GP2: variants seen among roughly 807,000 people sequenced by gnomAD.
The protein encoded by GP2 is glycoprotein 2, also known as pancreatic secretory granule membrane major glycoprotein GP2.
A neutral mutation model predicts 60.8 loss-of-function variants in GP2; 58 were observed. That is an observed-to-expected ratio of 0.95 (90% CI 0.77 to 1.19). The LOEUF is 1.19. Among genes scored for constraint, GP2 ranks in the 50% most tolerant of loss-of-function variants. The pLI is 0.00. For synonymous variants in GP2, 280 were observed against 253.4 expected (o/e 1.10, Z -1.00); for missense variants, 647 against 667.4 (o/e 0.97, Z 0.34).
At chr16:20,318,517 A>G (rs1964255142) in intron 6 of GP2, 87 bp from the exon 7 acceptor site, 1 of 1,223,862 alleles carries the variant, frequency 8.2e-7, no homozygotes, top group African/African-American at 1.5e-5. Context: ...TACGAAGGCA[A>G]GGACACACAT....
At position 20,311,243 on chromosome 16, in the gene GP2, G is replaced by C. The variant is rs762900263; in HGVS notation, c.1585C>G (p.Leu529Val). Residue 529 changes from leucine to valine, a missense_variant, in exon 11 of 11, where the codon CTC becomes GTC. Physicochemically the swap from Leu to Val is conservative, Grantham distance 32. Transcript: ENST00000302555. ...VAWPMVLLTV[L>V]LAWLF ...AGCTCTCAGAACAGCCAAGCCAGGA[G>C]GACAGTCAGGAGGACCATAGGCCAG... The C allele has an allele frequency of 4.3e-6, 7 of 1,610,004 alleles. No homozygotes were observed. Among genetic ancestry groups the C allele is most frequent in the Non-Finnish European group, 6.0e-6 (7 of 1,176,368 alleles).
intron 7 of GP2, 69 bp from the exon 8 acceptor site, chr16:20,317,444 G>A (rs1032119757): frequency 1.6e-6 from 2 of 1,214,780 alleles, no homozygotes; most frequent in African/African-American, 1.5e-5. Context: ...AGAGTCCCTC[G>A]GGTTCCCTCC....
rs1462147582 is a variant in GP2 at position 20,317,260 on chromosome 16, G to A, written c.1369C>T (p.His457Tyr). The A allele has an allele frequency of 6.2e-7, 1 of 1,613,242 alleles. No individual in the cohort carries two copies. The highest frequency in any genetic ancestry group is 1.3e-5 in the African/African-American group (1 of 74,892). The change falls in exon 8 of 11, where the codon CAT (histidine) becomes TAT (tyrosine). Residue 457 changes from histidine (H) to tyrosine (Y), a missense_variant. Transcript: ENST00000302555. ...GAATCACAGAGATGAATCTCACAAT[G>A]CAGGAAAACTAGGTCATAATGTCCA... The part of the protein sequence containing the change: ...FAGHYDLVFL[H>Y]CEIHLCDSLN...
chr16:20,325,527 G>A (rs1486348094), intron 2 of GP2, among the ~76,000 whole-genome samples: 2 of 152,168 alleles, frequency 1.3e-5, no homozygotes, highest in Admixed American at 1.3e-4. Flanking sequence ...GGGAAAGAAA[G>A]CCTTAAACGA....
chr16:20,317,410 A>G (rs1245237856), intron 7 of GP2, 35 bp from the exon 8 acceptor site: 3 of 1,563,454 alleles, frequency 1.9e-6, no homozygotes, highest in East Asian at 2.2e-5. Context: ...TGTAACTTCT[A>G]AAAACAGCAG....
chr16:20,314,316 A>G (rs868074679), intron 10 of GP2, among the ~76,000 whole-genome samples: 1 of 149,740 alleles, frequency 6.7e-6, no homozygotes, highest in Non-Finnish European at 1.5e-5. Context: ...GGCATTATCT[A>G]TCACATCACT....
intron 3 of GP2, 72 bp from the exon 4 acceptor site, chr16:20,323,051 C>G (rs190555989): frequency 8.0e-5 from 63 of 790,272 alleles, no homozygotes; most frequent in Non-Finnish European, 1.2e-4. Context: ...CAAGTCCAAC[C>G]CTTTCATTTC....
intron 2 of GP2, 95 bp downstream of exon 2, chr16:20,326,243 T>A (rs963324887): frequency 1.2e-5 from 13 of 1,106,574 alleles, no homozygotes; most frequent in Admixed American, 7.8e-5. Flanking sequence ...AACTGCCAAT[T>A]CCTCTTCCTT....
intron 10 of GP2, 116 bp downstream of exon 10, chr16:20,314,541 T>G (rs1299780436): frequency 6.3e-6 from 5 of 792,864 alleles, no homozygotes; most frequent in Non-Finnish European, 1.1e-5. Context: ...AGGCCAATCT[T>G]AGGTCTGATT....
chr16:20,317,202 GA>G lies in GP2; in HGVS notation c.1416+10del, dbSNP rs1964205823. 6.8e-7 allele frequency: 1 copy of G among 1,474,998 alleles called. No homozygotes were observed. The highest frequency in any genetic ancestry group is 9.1e-7 in the Non-Finnish European group (1 of 1,095,344). The allele number at this position is 1,474,998 out of a possible 1,614,324, so 91.4% of individuals were successfully genotyped here. On this transcript the variant is annotated intron_variant, in intron 8 of 10. Coordinates refer to ENST00000302555, the MANE Select transcript of GP2 (RefSeq NM_001502.4). ...CAGGCTCTGAAGAGTTCAGTTCAAA[GA>G]GACACTCACAGGCTGGCACTGTTCA...
chr16:20,315,572 G>A (rs117537124), intron 9 of GP2, among the ~76,000 whole-genome samples: 153 of 152,300 alleles, frequency 1.0e-3, no homozygotes, highest in Admixed American at 1.8e-3. Flanking sequence ...CTGGAAGCAG[G>A]TGGAATAAGG....
In GP2 at chr16:20,314,705, T is replaced by G. The variant is rs776772915; in HGVS notation, c.1502-4A>C. On this transcript the variant is annotated splice_region_variant and splice_polypyrimidine_tract_variant and intron_variant, in intron 9 of 10. Transcript: ENST00000302555. ...ATGACACCGGGAGACTGTGCACCTG[T>G]GAACAAGAACAGAAGGGGTGGGTTT... The G allele has an allele frequency of 6.2e-7, 1 of 1,600,474 alleles. No individual in the cohort carries two copies. The highest frequency in any genetic ancestry group is 1.1e-5 in the South Asian group (1 of 90,820).
intron 9 of GP2, among the ~76,000 whole-genome samples, chr16:20,315,381 A>T (rs1964132763): frequency 6.6e-6 from 1 of 152,176 alleles, no homozygotes; most frequent in Admixed American, 6.5e-5. Flanking sequence ...ACTAAACACT[A>T]CTGTAAACCC....
chr16:20,309,848 G>C lies in GP2; in HGVS notation c.*1375C>G, dbSNP rs1963950782. On this transcript the variant is annotated 3_prime_UTR_variant, in exon 11 of 11. Coordinates refer to ENST00000302555, the MANE Select transcript of GP2 (RefSeq NM_001502.4). ...CTCCCTTTTTGCCTGAGAAATTGTG[G>C]TGGGTTTCTGTTTCTTGCAACTACA... 6.6e-6 allele frequency: 1 copy of C among 151,998 alleles called. No homozygotes were observed. Among genetic ancestry groups the C allele is most frequent in the South Asian group, 2.1e-4 (1 of 4,800 alleles). The allele number at this position is 151,998 out of a possible 1,614,324, so 9.4% of individuals were successfully genotyped here. A position where few individuals can be genotyped will look rare whatever the true frequency, so the allele number is the denominator to read the frequency against.
At chr16:20,315,146 A>T (rs1964122025) in intron 9 of GP2, among the ~76,000 whole-genome samples, 1 of 152,182 alleles carries the variant, frequency 6.6e-6, no homozygotes. Context: ...AGCCTACTTC[A>T]TGAGACAGCC....
chr16:20,319,710 A>T lies in GP2; in HGVS notation c.917T>A (p.Ile306Asn). The change falls in exon 6 of 11, where the codon ATC becomes AAC. Residue 306 changes from isoleucine to asparagine, a missense_variant. Ile to Asn is a moderately radical substitution (Grantham distance 149). Transcript: ENST00000302555. ...GTTGATGTTGAGGATGGTGTCTCTG[A>T]TGATGAAATCATTGACCAAGGAGAG... ...NTLSLVNDFI[I>N]RDTILNINFQ... The T allele has an allele frequency of 6.2e-7, 1 of 1,610,248 alleles. No homozygotes were observed. The highest frequency in any genetic ancestry group is 2.2e-5 in the East Asian group (1 of 44,866).
chr16:20,318,972 GAA>G (rs1236680489), intron 6 of GP2, among the ~76,000 whole-genome samples: 2 of 152,136 alleles, frequency 1.3e-5, no homozygotes, highest in Non-Finnish European at 2.9e-5. Context: ...TGACATCTCA[GAA>G]AGTCCCCTAG....
At chr16:20,315,930 C>T in intron 9 of GP2, 26 bp downstream of exon 9, 2 of 1,469,514 alleles carry the variant, frequency 1.4e-6, no homozygotes, top group Non-Finnish European at 1.9e-6. Flanking sequence ...GCCAGCTGGT[C>T]TTGTCACTGG....
chr16:20,324,905 T>C lies in GP2; in HGVS notation c.95-649A>G, dbSNP rs1360949587. ...ATTCTTCACTGGAGGAGCCATCCTGTGCATTATAGAATGTTTAGGAGTATC... is the reference window on the plus strand; with the variant it reads ...ATTCTTCACTGGAGGAGCCATCCTGCGCATTATAGAATGTTTAGGAGTATC... On this transcript the variant is annotated intron_variant, in intron 2 of 10. Transcript: ENST00000302555. 2.6e-5 allele frequency among the ~76,000 whole-genome samples: 4 copies of C among 152,224 alleles called. No individual in the cohort carries two copies. In the East Asian group the frequency reaches 7.7e-4, roughly 29 times the overall value.
Sources: allele counts gnomAD v4.1 joint callset (sites outside exome capture counted in the v4.1 genomes callset), GRCh38; gene constraint gnomAD v4.1.1; transcripts MANE v1.5; gene names NCBI Gene and HGNC (gene_info 2026-07-23, HGNC 2026-07-21).